The following PCDHGB5 variants were observed in gnomAD, a reference collection of about 807,000 sequenced individuals.
PCDHGB5 encodes the protein protocadherin gamma-B5.
A neutral mutation model predicts 62.9 loss-of-function variants in PCDHGB5; 48 were observed. The ratio of observed to expected loss-of-function variants is 0.76; its 90% CI spans 0.61 to 0.97. The LOEUF is 0.97. PCDHGB5 is among the 50% of genes least tolerant of loss of function. The probability of loss-of-function intolerance (pLI) is 0.00; values close to 1 mark genes in which losing one functional copy is unlikely to be tolerated. For synonymous variants in PCDHGB5, 474 were observed against 511.2 expected (o/e 0.93, Z 0.98); for missense variants, 1,118 against 1,198.6 (o/e 0.93, Z 0.99).
At chr5:141,453,745 A>G (rs1208061874) in intron 1 of PCDHGB5, among the ~76,000 whole-genome samples, 1 of 152,264 alleles carries the variant, frequency 6.6e-6, no homozygotes, top group African/African-American at 2.4e-5. Context: ...CTTAAATAAC[A>G]TAAGTCTCCT....
chr5:141,477,427 C>T lies in PCDHGB5; in HGVS notation c.2398-17380C>T. On this transcript the variant is annotated intron_variant, in intron 1 of 3. Coordinates refer to ENST00000617380, the MANE Select transcript of PCDHGB5 (RefSeq NM_018925.3). The surrounding 1 kb of genome is among the most constrained non-coding windows in gnomAD (Gnocchi z 4.9). ...CCCGAGACGCCGGAACCCCTTCCCT[C>T]TCAGCCCTTACAATAGTGCGTGTTC... The T allele has an allele frequency of 6.2e-7, 1 of 1,614,220 alleles. No homozygotes were observed. The highest frequency in any genetic ancestry group is 8.5e-7 in the Non-Finnish European group (1 of 1,180,046).
intron 1 of PCDHGB5, chr5:141,409,520 T>A (rs1177702875): frequency 6.2e-7 from 1 of 1,613,848 alleles, no homozygotes; most frequent in East Asian, 2.2e-5. Flanking sequence ...AAGCATCACC[T>A]TGTATGTCGC....
chr5:141,495,547 C>G (rs2099762038), intron 2 of PCDHGB5, among the ~76,000 whole-genome samples: 1 of 152,228 alleles, frequency 6.6e-6, no homozygotes, highest in South Asian at 2.1e-4. Flanking sequence ...CAGTCTCTAT[C>G]TCGCTTTGCA....
Position 141,400,422 on chromosome 5 carries a change from TA to T in PCDHGB5, c.2296del (p.Ser766ValfsTer4). On this transcript the variant is annotated frameshift_variant, in exon 1 of 4. Transcript: ENST00000617380. LOFTEE classifies it high-confidence loss of function. Reference protein sequence around the residue: ...GKTEFNFLKCSEQLSSGQDIL... With the variant: ...GKTEFNFLKCXEQLSSGQDIL... ...AGACGGAGTTTAATTTCCTAAAATGTAGTGAGCAATTGAGTTCAGGACAAGA... is the reference window on the plus strand; with the variant it reads ...AGACGGAGTTTAATTTCCTAAAATGTGTGAGCAATTGAGTTCAGGACAAGA... 6.2e-7 allele frequency: 1 copy of T among 1,614,054 alleles called. No homozygotes were observed. Among genetic ancestry groups the T allele is most frequent in the Non-Finnish European group, 8.5e-7 (1 of 1,179,904 alleles).
At position 141,491,222 on chromosome 5, in the gene PCDHGB5, C is replaced by A. The variant is rs1185734506; in HGVS notation, c.2398-3585C>A. 6.2e-7 allele frequency: 1 copy of A among 1,614,268 alleles called. No homozygotes were observed. Among genetic ancestry groups the A allele is most frequent in the East Asian group, 2.2e-5 (1 of 44,892 alleles). On this transcript the variant is annotated intron_variant, in intron 1 of 3. Transcript: ENST00000617380. This position sits in a 1 kb window ranked among gnomAD's most constrained non-coding sequence, Gnocchi z 6.9. Reference sequence around the variant, plus strand: ...GACCCTTCACTCTCCTCCACAGCCACAGTGCTGCTGGTTCTGGAGGATGAG... The same window carrying A: ...GACCCTTCACTCTCCTCCACAGCCAAAGTGCTGCTGGTTCTGGAGGATGAG...
intron 1 of PCDHGB5, among the ~76,000 whole-genome samples, chr5:141,445,740 A>T (rs993128906): frequency 2.6e-5 from 4 of 152,226 alleles, no homozygotes; most frequent in Admixed American, 1.3e-4. Flanking sequence ...AGATCTTTTT[A>T]AAAAATAAAA....
At chr5:141,427,566 C>A (rs1218268757) in intron 1 of PCDHGB5, 1 of 659,032 alleles carries the variant, frequency 1.5e-6, no homozygotes, top group Non-Finnish European at 2.8e-6. Context: ...CAAGGGCAAG[C>A]CTCCGCTCTC....
intron 2 of PCDHGB5, among the ~76,000 whole-genome samples, chr5:141,503,700 C>G (rs2099828974): frequency 6.6e-6 from 1 of 152,016 alleles, no homozygotes; most frequent in Non-Finnish European, 1.5e-5. Flanking sequence ...GAGATTCCTG[C>G]TTTCCCCTTC....
intron 1 of PCDHGB5, chr5:141,405,325 G>A: frequency 5.6e-6 from 9 of 1,614,170 alleles, no homozygotes; most frequent in African/African-American, 1.3e-5. Context: ...ATGAGCCTTT[G>A]TGCGTCTCTG....
chr5:141,433,837 C>CAA (rs56191208), intron 1 of PCDHGB5, among the ~76,000 whole-genome samples: 9,379 of 111,452 alleles, frequency 0.084, 424 homozygotes, highest in African/African-American at 0.14. Flanking sequence ...AACTCTATCT[C>CAA]AAAAAAAAAA....
Position 141,400,065 on chromosome 5 carries a change from A to G in PCDHGB5, c.1938A>G (p.Gly646=), listed in dbSNP as rs1012484805. The G allele has an allele frequency of 1.9e-6, 3 of 1,613,758 alleles. No homozygotes were observed. The highest frequency in any genetic ancestry group is 1.3e-5 in the African/African-American group (1 of 75,030). Residue 646 remains glycine, a synonymous_variant, in exon 1 of 4, where the codon GGA becomes GGG. Transcript: ENST00000617380. Reference sequence around the variant, plus strand: ...TGCTGGTTGCTGTGCGTGATGGTGGACAGCCGCCACTCTCCGCCACCGCCA... The same window carrying G: ...TGCTGGTTGCTGTGCGTGATGGTGGGCAGCCGCCACTCTCCGCCACCGCCA... ...QRLLVAVRDG[G]QPPLSATATL...
At chr5:141,412,273 C>T (rs1007252273) in intron 1 of PCDHGB5, 4 of 152,206 alleles carry the variant, frequency 2.6e-5, no homozygotes, top group Admixed American at 6.5e-5. Flanking sequence ...ACTTTTAGTA[C>T]TTCAAATTCT....
chr5:141,409,130 G>A, intron 1 of PCDHGB5: 1 of 1,613,994 alleles, frequency 6.2e-7, no homozygotes, highest in South Asian at 1.1e-5. Context: ...ATTTGATTTT[G>A]AAGATGTAGA....
intron 1 of PCDHGB5, among the ~76,000 whole-genome samples, chr5:141,481,863 G>A (rs182704348): frequency 8.8e-4 from 130 of 147,602 alleles, no homozygotes; most frequent in African/African-American, 3.3e-3. Flanking sequence ...GCAGTGAGCC[G>A]AGATCGCGCC....
Position 141,485,920 on chromosome 5 carries a change from T to C in PCDHGB5, c.2398-8887T>C, listed in dbSNP as rs1374948804. ...CCTTCCAGCAATCCAGCTACAGGAT[T>C]AGTGTGTTGGAGAGCGCACCAGCGG... On this transcript the variant is annotated intron_variant, in intron 1 of 3. Transcript: ENST00000617380. This position sits in a 1 kb window ranked among gnomAD's most constrained non-coding sequence, Gnocchi z 5.7. 1.2e-6 allele frequency: 2 copies of C among 1,614,038 alleles called. No individual in the cohort carries two copies. Among genetic ancestry groups the C allele is most frequent in the Non-Finnish European group, 1.7e-6 (2 of 1,180,010 alleles).
chr5:141,484,230 G>A (rs1325484143), intron 1 of PCDHGB5, among the ~76,000 whole-genome samples: 2 of 152,174 alleles, frequency 1.3e-5, no homozygotes, highest in Non-Finnish European at 2.9e-5. Flanking sequence ...CAGGTAAAGA[G>A]ATCTGGTCCT....
At chr5:141,419,586 A>T (rs1440548961) in intron 1 of PCDHGB5, 1 of 1,611,696 alleles carries the variant, frequency 6.2e-7, no homozygotes, top group Non-Finnish European at 8.5e-7. Context: ...GCGCTCTTCG[A>T]CACAGTGCCG....
chr5:141,410,206 G>T (rs774541712), intron 1 of PCDHGB5: 2 of 1,614,026 alleles, frequency 1.2e-6, no homozygotes, highest in South Asian at 1.1e-5. Context: ...CAGACAACTT[G>T]CAAGAGATAC....
At position 141,408,036 on chromosome 5, in the gene PCDHGB5, A is replaced by G. The variant is rs941133513; in HGVS notation, c.2397+7512A>G. On this transcript the variant is annotated intron_variant, in intron 1 of 3. Coordinates refer to ENST00000617380, the MANE Select transcript of PCDHGB5 (RefSeq NM_018925.3). ...AGCCAACAACAGAAAGAAGAAAACC[A>G]GCTCCCACACAGAGCCTCCCGGCTG... 7.9e-6 allele frequency: 9 copies of G among 1,132,718 alleles called. No individual in the cohort carries two copies. In the African/African-American group the frequency reaches 1.4e-4, roughly 18 times the overall value. The allele number at this position is 1,132,718 out of a possible 1,614,324, so 70.2% of individuals were successfully genotyped here. A position where few individuals can be genotyped will look rare whatever the true frequency, so the allele number is the denominator to read the frequency against.
Sources: gnomAD v4.1 joint callset for allele counts (sites outside exome capture counted in the v4.1 genomes callset) on GRCh38, gnomAD v4.1.1 for gene constraint, Gnocchi (gnomAD v3.1) non-coding constraint, MANE v1.5 for transcripts, NCBI Gene and HGNC (gene_info 2026-07-23, HGNC 2026-07-21) for gene names.